Variants in SNRNP200 observed in about 807,000 individuals in gnomAD.
SNRNP200 encodes the protein small nuclear ribonucleoprotein U5 subunit 200.
Under a neutral mutation model 255.2 loss-of-function variants are expected in SNRNP200, and 66 were observed. The observed-to-expected ratio is 0.26, with a 90% CI of 0.21 to 0.32. SNRNP200 has a LOEUF of 0.32. SNRNP200 is among the 10% of genes least tolerant of loss of function. The probability of loss-of-function intolerance (pLI) is 1.00; values close to 1 mark genes in which losing one functional copy is unlikely to be tolerated. For synonymous variants in SNRNP200, 939 were observed against 1,027.8 expected (o/e 0.91, Z 1.65); for missense variants, 1,585 against 2,749.8 (o/e 0.58, Z 9.47).
chr2:96,293,959 A>G (rs1054693308), intron 14 of SNRNP200, among the ~76,000 whole-genome samples: 1 of 152,200 alleles, frequency 6.6e-6, no homozygotes, highest in African/African-American at 2.4e-5. Context: ...GATGTTGTTA[A>G]AAAGGAGATT....
At chr2:96,288,139 T>C (rs2063855185) in intron 24 of SNRNP200, among the ~76,000 whole-genome samples, 170 bp from the exon 25 acceptor site, 1 of 152,210 alleles carries the variant, frequency 6.6e-6, no homozygotes, top group Non-Finnish European at 1.5e-5. Context: ...TAGTAGATGC[T>C]TGCCGGATGG....
rs770037677 is a variant in SNRNP200, at chr2:96,290,531, G to A, written c.2554-17C>T. 20 of 1,614,058 alleles carry A rather than the reference G, an allele frequency of 1.2e-5. No individual in the cohort carries two copies. Among genetic ancestry groups the A allele is most frequent in the South Asian group, 4.4e-5 (4 of 91,066 alleles). The stretch of plus-strand genomic sequence containing the variant: ...TCCCAGCATCTAGATCAGAGACAGC[G>A]AACCAAGAATGCTATGTCAAGAGAA... On this transcript the variant is annotated splice_polypyrimidine_tract_variant and intron_variant, in intron 19 of 44. Coordinates refer to ENST00000323853, the MANE Select transcript of SNRNP200 (RefSeq NM_014014.5). The surrounding 1 kb of genome is among the most constrained non-coding windows in gnomAD (Gnocchi z 4.5).
At chr2:96,280,524 G>C (rs1684740935) in intron 35 of SNRNP200, among the ~76,000 whole-genome samples, 1 of 151,410 alleles carries the variant, frequency 6.6e-6, no homozygotes, top group African/African-American at 2.4e-5. Flanking sequence ...AATTATGCAG[G>C]CTTTTTTATG....
In SNRNP200 at chr2:96,293,074, T is replaced by C; in HGVS notation, c.2058A>G (p.Glu686=). 6.2e-7 allele frequency: 1 copy of C among 1,614,174 alleles called. No individual in the cohort carries two copies. Among genetic ancestry groups the C allele is most frequent in the Non-Finnish European group, 8.5e-7 (1 of 1,179,972 alleles). Residue 686 remains glutamate (E), a synonymous_variant, in exon 16 of 45, where the codon GAA becomes GAG. Coordinates refer to ENST00000323853, the MANE Select transcript of SNRNP200 (RefSeq NM_014014.5). The part of the protein sequence containing the change: ...FDNSFRPVPL[E]QTYVGITEKK... The stretch of plus-strand genomic sequence containing the variant: ...TCTCTGTGATACCCACATATGTCTG[T>C]TCCAGAGGCACTGGACGGAAGCTAG...
At position 96,293,310 on chromosome 2, in the gene SNRNP200, T is replaced by C; in HGVS notation, c.2036+6A>G. Reference sequence around the variant, plus strand: ...TGGCAGAACTTTGCCCAGTCTTTCCTGATACCTGTTGTCAAAGTAAAAGAG... The same window carrying C: ...TGGCAGAACTTTGCCCAGTCTTTCCCGATACCTGTTGTCAAAGTAAAAGAG... On this transcript the variant is annotated splice_donor_region_variant and intron_variant, in intron 15 of 44. Transcript: ENST00000323853. 1 of 1,613,516 alleles carries C rather than the reference T, an allele frequency of 6.2e-7. No individual in the cohort carries two copies. The highest frequency in any genetic ancestry group is 1.3e-5 in the African/African-American group (1 of 75,044).
chr2:96,291,199 A>G lies in SNRNP200; in HGVS notation c.2421+193T>C, dbSNP rs898311470. 6.6e-6 allele frequency among the ~76,000 whole-genome samples: 1 copy of G among 152,176 alleles called. No individual in the cohort carries two copies. The highest frequency in any genetic ancestry group is 2.4e-5 in the African/African-American group (1 of 41,430). On this transcript the variant is annotated intron_variant, in intron 18 of 44. Coordinates refer to ENST00000323853, the MANE Select transcript of SNRNP200 (RefSeq NM_014014.5). The surrounding 1 kb of genome is among the most constrained non-coding windows in gnomAD (Gnocchi z 4.2). The stretch of plus-strand genomic sequence containing the variant: ...TTCACTATGCTTCTCAGACTATCCT[A>G]AACTCAAGCAAGGTGGGAAGAGTTG...
chr2:96,301,027 C>T lies in SNRNP200; in HGVS notation c.601G>A (p.Val201Met). The T allele has an allele frequency of 2.5e-6, 4 of 1,613,970 alleles. No homozygotes were observed. Among genetic ancestry groups the T allele is most frequent in the Non-Finnish European group, 2.5e-6 (3 of 1,179,892 alleles). Reference protein sequence around the residue: ...MDDNIDETYGVNVQFESDEEE... With the variant: ...MDDNIDETYGMNVQFESDEEE... ...TCATCAGACTCAAACTGCACATTCA[C>T]ACCGTATGTCTCATCAATGTTGTCA... Residue 201 changes from valine to methionine, a missense_variant, in exon 5 of 45, where the codon GTG becomes ATG. Val to Met is a conservative substitution (Grantham distance 21, BLOSUM62 1). Transcript: ENST00000323853.
At chr2:96,305,315 G>T in intron 1 of SNRNP200, 78 bp downstream of exon 1, 1 of 1,582,708 alleles carries the variant, frequency 6.3e-7, no homozygotes, top group South Asian at 1.1e-5. Flanking sequence ...TAGGCCTTCA[G>T]ACTGAAACTC....
At chr2:96,298,525 G>A (rs2063933316) in intron 8 of SNRNP200, 78 bp downstream of exon 8, 3 of 1,608,674 alleles carry the variant, frequency 1.9e-6, no homozygotes, top group East Asian at 2.2e-5. Flanking sequence ...CACTTAGGCT[G>A]TGAAAACAAC....
chr2:96,292,380 C>A (rs190478910), intron 16 of SNRNP200, among the ~76,000 whole-genome samples: 2 of 152,356 alleles, frequency 1.3e-5, no homozygotes, highest in East Asian at 1.9e-4. Flanking sequence ...CATATAAATT[C>A]ATATGCTTCT....
chr2:96,285,077 T>C (rs2063836091), intron 30 of SNRNP200, 103 bp downstream of exon 30: 4 of 1,392,504 alleles, frequency 2.9e-6, no homozygotes, highest in Non-Finnish European at 4.0e-6. Context: ...ATACACAAAC[T>C]GAGGAAATGA....
At chr2:96,285,092 G>T in intron 30 of SNRNP200, 88 bp downstream of exon 30, 1 of 1,497,026 alleles carries the variant, frequency 6.7e-7, no homozygotes, top group South Asian at 1.1e-5. Flanking sequence ...AAATGACCCT[G>T]CAAATTTCAG....
Position 96,287,321 on chromosome 2 carries a change from G to T in SNRNP200, c.3484+118C>A. On this transcript the variant is annotated intron_variant, in intron 26 of 44. Coordinates refer to ENST00000323853, the MANE Select transcript of SNRNP200 (RefSeq NM_014014.5). The surrounding 1 kb of genome is among the most constrained non-coding windows in gnomAD (Gnocchi z 5.7). ...ACCAAGGGCCAGCCTGTACTTCAGT[G>T]GGACTTGGGGAGTGAACACAGGATA... 8.5e-7 allele frequency: 1 copy of T among 1,171,894 alleles called. No homozygotes were observed. The highest frequency in any genetic ancestry group is 1.3e-6 in the Non-Finnish European group (1 of 777,200). 72.6% of individuals were successfully genotyped at this position (1,171,894 alleles called of 1,614,324 possible).
Position 96,277,116 on chromosome 2 carries a change from T to G in SNRNP200, c.6057A>C (p.Leu2019=), listed in dbSNP as rs778987707. ...TGTCCTTATCTACCACCTCATAAGA[T>G]AGTTCGATATTAGGGTAGCGGTTAC... The part of the protein sequence containing the change: ...RFCNRYPNIE[L]SYEVVDKDSI... Residue 2019 remains leucine, a synonymous_variant, in exon 42 of 45, where the codon CTA becomes CTC. Transcript: ENST00000323853. The surrounding 1 kb of genome is among the most constrained non-coding windows in gnomAD (Gnocchi z 4.4). The G allele has an allele frequency of 1.2e-6, 2 of 1,613,998 alleles. No individual in the cohort carries two copies. The highest frequency in any genetic ancestry group is 2.2e-5 in the East Asian group (1 of 44,892).
intron 5 of SNRNP200, among the ~76,000 whole-genome samples, chr2:96,300,456 T>C (rs1259081645): frequency 6.6e-6 from 1 of 152,210 alleles, no homozygotes; most frequent in African/African-American, 2.4e-5. Context: ...ATCCACTTGG[T>C]ATATTTTAAA....
chr2:96,303,160 T>A lies in SNRNP200; in HGVS notation c.380A>T (p.Gln127Leu). The A allele has an allele frequency of 6.2e-7, 1 of 1,614,152 alleles. No homozygotes were observed. ...LSFIQAALGDQPRDILCGAAD... is the reference protein window; with the variant it reads ...LSFIQAALGDLPRDILCGAAD... ...TATATTTCACAATATCACACTCACC[T>A]GGTCCCCAAGAGCAGCCTGGATGAA... Residue 127 changes from glutamine (Q) to leucine (L), a missense_variant and splice_region_variant, in exon 3 of 45, where the codon CAG becomes CTG. Coordinates refer to ENST00000323853, the MANE Select transcript of SNRNP200 (RefSeq NM_014014.5).
At chr2:96,288,541 C>T in intron 24 of SNRNP200, 122 bp downstream of exon 24, 1 of 837,552 alleles carries the variant, frequency 1.2e-6, no homozygotes, top group South Asian at 1.4e-5. Flanking sequence ...CCGGCAAGAG[C>T]AGAACTAAGC....
Position 96,290,641 on chromosome 2 carries a change from G to C in SNRNP200, c.2553+43C>G. 2.5e-6 allele frequency: 4 copies of C among 1,614,028 alleles called. No individual in the cohort carries two copies. The highest frequency in any genetic ancestry group is 3.4e-6 in the Non-Finnish European group (4 of 1,179,966). Reference sequence around the variant, plus strand: ...TCCAGCATCCCTGCATTTCAGGCAAGGATACTGATCCCTGCTGAGAATAAA... The same window carrying C: ...TCCAGCATCCCTGCATTTCAGGCAACGATACTGATCCCTGCTGAGAATAAA... On this transcript the variant is annotated intron_variant, in intron 19 of 44. Transcript: ENST00000323853. The surrounding 1 kb of genome is among the most constrained non-coding windows in gnomAD (Gnocchi z 4.5).
chr2:96,303,625 C>T (rs1444474732), intron 2 of SNRNP200, among the ~76,000 whole-genome samples: 1 of 152,180 alleles, frequency 6.6e-6, no homozygotes, highest in African/African-American at 2.4e-5. Flanking sequence ...TGCAGTGGTT[C>T]ACGCCTGTAA....
Sources: gnomAD v4.1 joint callset for allele counts (sites outside exome capture counted in the v4.1 genomes callset) on GRCh38, gnomAD v4.1.1 for gene constraint, Gnocchi (gnomAD v3.1) non-coding constraint, MANE v1.5 for transcripts, NCBI Gene and HGNC (gene_info 2026-07-23, HGNC 2026-07-21) for gene names.